GUCY1A2: variants seen among roughly 807,000 people sequenced by gnomAD.
The protein encoded by GUCY1A2 is guanylate cyclase 1 soluble subunit alpha 2.
In GUCY1A2, 27 loss-of-function variants were observed where a neutral mutation model predicts 63.5. The observed-to-expected ratio is 0.43, with a 90% CI of 0.31 to 0.59. The LOEUF (loss-of-function observed/expected upper bound fraction) is 0.59. GUCY1A2 is among the 20% of genes least tolerant of loss of function. The pLI is 0.11. For missense variants in GUCY1A2, 768 were observed against 913.3 expected, an observed-to-expected ratio of 0.84 and a Z score of 2.05; for synonymous variants, 364 against 343.5, an observed-to-expected ratio of 1.06 and a Z score of -0.66.
chr11:106,815,465 A>G (rs1038370072), intron 4 of GUCY1A2, among the ~76,000 whole-genome samples: 1 of 151,886 alleles, frequency 6.6e-6, no homozygotes, highest in Non-Finnish European at 1.5e-5. Context: ...AATTCACTCC[A>G]AGATACATTT....
intron 7 of GUCY1A2, among the ~76,000 whole-genome samples, chr11:106,699,628 G>A (rs1318446116): frequency 6.6e-6 from 1 of 152,020 alleles, no homozygotes; most frequent in Non-Finnish European, 1.5e-5. Flanking sequence ...TGAGAAGAGA[G>A]AACCACCAAG....
At chr11:106,699,234 G>T (rs1467916946) in intron 7 of GUCY1A2, among the ~76,000 whole-genome samples, 1 of 152,050 alleles carries the variant, frequency 6.6e-6, no homozygotes, top group Non-Finnish European at 1.5e-5. Flanking sequence ...AATAAATATT[G>T]ACCTCCAGGC....
intron 7 of GUCY1A2, among the ~76,000 whole-genome samples, chr11:106,708,132 C>T (rs2135348561): frequency 6.6e-6 from 1 of 151,436 alleles, no homozygotes; most frequent in South Asian, 2.1e-4. Flanking sequence ...AAAAACAGTC[C>T]AACCACCTTT....
chr11:106,843,876 A>T (rs183131685), intron 4 of GUCY1A2, among the ~76,000 whole-genome samples: 314 of 151,874 alleles, frequency 2.1e-3, no homozygotes, highest in Admixed American at 3.3e-3. Flanking sequence ...AAAATCTCCT[A>T]TTTATTATGA....
At chr11:106,856,065 A>G (rs997150419) in intron 4 of GUCY1A2, among the ~76,000 whole-genome samples, 1 of 151,508 alleles carries the variant, frequency 6.6e-6, no homozygotes, top group African/African-American at 2.4e-5. Flanking sequence ...AGCTGGGACT[A>G]CAGACATGTG....
chr11:106,814,647 C>T (rs1312556741), intron 4 of GUCY1A2, among the ~76,000 whole-genome samples: 1 of 152,022 alleles, frequency 6.6e-6, no homozygotes, highest in East Asian at 1.9e-4. Flanking sequence ...TCTGCACCCT[C>T]AAGCAGCATT....
intron 6 of GUCY1A2, among the ~76,000 whole-genome samples, chr11:106,712,236 T>C (rs1863132986): frequency 1.3e-5 from 2 of 152,208 alleles, no homozygotes; most frequent in South Asian, 4.1e-4. Context: ...GGATAATTTC[T>C]ATTGCTATGT....
chr11:106,827,490 G>C, intron 4 of GUCY1A2: 1 of 1,465,750 alleles, frequency 6.8e-7, no homozygotes, highest in Non-Finnish European at 9.6e-7. Flanking sequence ...CCTGAGCACT[G>C]TCTGTATCAC....
At chr11:106,878,192 A>C (rs769728975) in intron 4 of GUCY1A2, among the ~76,000 whole-genome samples, 6 of 152,140 alleles carry the variant, frequency 3.9e-5, no homozygotes, top group Non-Finnish European at 5.9e-5. Flanking sequence ...AGTGTAAATC[A>C]GTTCAACCAT....
chr11:106,990,361 A>C (rs1277508952), intron 1 of GUCY1A2, among the ~76,000 whole-genome samples: 2 of 152,254 alleles, frequency 1.3e-5, no homozygotes, highest in South Asian at 4.1e-4. Flanking sequence ...ACTAAATGTT[A>C]TGCTCAAGAA....
chr11:106,927,428 AG>A (rs1860541546), intron 4 of GUCY1A2, among the ~76,000 whole-genome samples: 1 of 152,154 alleles, frequency 6.6e-6, no homozygotes, highest in African/African-American at 2.4e-5. Context: ...ATAATTTATT[AG>A]GTACTATTTA....
chr11:106,747,916 T>G (rs1392177179), intron 6 of GUCY1A2, among the ~76,000 whole-genome samples: 2 of 152,182 alleles, frequency 1.3e-5, no homozygotes, highest in Admixed American at 1.3e-4. Flanking sequence ...TAAACTGTAC[T>G]CTGTTGAGAC....
At chr11:106,709,267 A>ATTAT (rs1478799400) in intron 6 of GUCY1A2, among the ~76,000 whole-genome samples, 1 of 15,850 alleles carries the variant, frequency 6.3e-5, no homozygotes, top group Non-Finnish European at 1.1e-4. Flanking sequence ...ATATAAATAT[A>ATTAT]TTTATATATA....
At chr11:106,858,109 A>C (rs17106130) in intron 4 of GUCY1A2, among the ~76,000 whole-genome samples, 5,799 of 152,250 alleles carry the variant, frequency 0.038, 583 homozygotes, top group East Asian at 0.25. Flanking sequence ...CTTTCACTTC[A>C]ATTCATCATC....
chr11:106,768,103 T>A (rs1196388966), intron 6 of GUCY1A2, among the ~76,000 whole-genome samples: 2 of 152,148 alleles, frequency 1.3e-5, no homozygotes, highest in Non-Finnish European at 2.9e-5. Flanking sequence ...AAATGATTGA[T>A]AGAATAACAC....
At position 106,674,114 on chromosome 11, in the gene GUCY1A2, G is replaced by C. The variant is rs1862307030; in HGVS notation, c.*13435C>G. The C allele has an allele frequency of 5.6e-6, 1 of 179,754 alleles. No homozygotes were observed. Among genetic ancestry groups the C allele is most frequent in the African/African-American group, 2.4e-5 (1 of 42,360 alleles). The allele number at this position is 179,754 out of a possible 1,614,324, so 11.1% of individuals were successfully genotyped here. ...ATGCATGACTTAACTAGACAATTTT[G>C]TAATGAATTATGTAAATATAACACA... On this transcript the variant is annotated 3_prime_UTR_variant, in exon 8 of 8. Coordinates refer to ENST00000526355, the MANE Select transcript of GUCY1A2 (RefSeq NM_000855.3).
intron 4 of GUCY1A2, among the ~76,000 whole-genome samples, chr11:106,922,570 T>C (rs1280711293): frequency 1.3e-5 from 2 of 149,342 alleles, no homozygotes; most frequent in African/African-American, 2.5e-5. Context: ...ATATATGTTT[T>C]TAAAAAATCT....
At chr11:106,838,925 T>C (rs11211942) in intron 4 of GUCY1A2, among the ~76,000 whole-genome samples, 26,373 of 151,910 alleles carry the variant, frequency 0.17, 2,561 homozygotes, top group East Asian at 0.28. Context: ...ATTCTGTAGG[T>C]TGCCTGTTCA....
At chr11:106,917,548 G>A (rs1860383923) in intron 4 of GUCY1A2, among the ~76,000 whole-genome samples, 1 of 144,512 alleles carries the variant, frequency 6.9e-6, no homozygotes, top group African/African-American at 2.5e-5. Flanking sequence ...CAACCCAAAT[G>A]CCCAACAATG....
Sources: allele counts gnomAD v4.1 joint callset (sites outside exome capture counted in the v4.1 genomes callset), GRCh38; gene constraint gnomAD v4.1.1; transcripts MANE v1.5; gene names NCBI Gene and HGNC (gene_info 2026-07-23, HGNC 2026-07-21).